NDST4: variants seen among roughly 807,000 people sequenced by gnomAD.
The protein encoded by NDST4 is N-deacetylase and N-sulfotransferase 4.
NDST4 carries 63 observed loss-of-function variants against 100.8 expected under a neutral mutation model. The observed-to-expected ratio is 0.62, with a 90% CI of 0.51 to 0.77. The LOEUF is 0.77. Ranked by LOEUF, NDST4 falls within the 30% of genes least tolerant of loss-of-function variation. NDST4 has a pLI of 0.00. For synonymous variants in NDST4, 377 were observed against 361.8 expected (o/e 1.04, Z -0.48); for missense variants, 943 against 1,018.4 (o/e 0.93, Z 1.01).
At chr4:114,905,825 C>T (rs1033429820) in intron 6 of NDST4, among the ~76,000 whole-genome samples, 2 of 151,772 alleles carry the variant, frequency 1.3e-5, no homozygotes, top group Non-Finnish European at 2.9e-5. Flanking sequence ...TGTTTTTTAC[C>T]TTAAAGGTTT....
At chr4:115,070,169 T>C (rs74366907) in intron 2 of NDST4, among the ~76,000 whole-genome samples, 7,882 of 152,266 alleles carry the variant, frequency 0.052, 266 homozygotes, top group Middle Eastern at 0.082. Context: ...ATGCAATTGA[T>C]CTAAATGTCT....
chr4:114,880,524 A>T (rs1724345060), intron 6 of NDST4, among the ~76,000 whole-genome samples: 1 of 152,158 alleles, frequency 6.6e-6, no homozygotes. Flanking sequence ...GTCCATTAGT[A>T]ATCAGTGTAA....
chr4:114,907,314 C>G (rs1724973594), intron 6 of NDST4, among the ~76,000 whole-genome samples: 1 of 152,160 alleles, frequency 6.6e-6, no homozygotes, highest in Non-Finnish European at 1.5e-5. Flanking sequence ...CAATATGGCT[C>G]TGACATTTAC....
rs142820981 is a variant in NDST4 at position 115,076,994 on chromosome 4, T to C, written c.43A>G (p.Ile15Val). 34 of 1,609,154 alleles carry C rather than the reference T, an allele frequency of 2.1e-5. No homozygotes were observed. The African/African-American group carries it at 4.1e-4, about 20-fold the overall frequency. ...VKLRRSFRTL[I>V]VLLATFCLVS... ...AAGCAAAAGGTAGCTAAGAGAACAA[T>C]CAATGTTCGAAAACTTCTCCGAAGT... is the stretch of plus-strand genomic sequence containing the variant. The change falls in exon 2 of 14, where the codon ATT (isoleucine) becomes GTT (valine). Residue 15 changes from isoleucine to valine, a missense_variant. Physicochemically the swap from Ile to Val is conservative, Grantham distance 29 (BLOSUM62 3). Coordinates refer to ENST00000264363, the MANE Select transcript of NDST4 (RefSeq NM_022569.3).
rs1035002514 is a variant in NDST4 at position 114,950,834 on chromosome 4, G to C, written c.1222-13331C>G. On this transcript the variant is annotated intron_variant, in intron 4 of 13. Transcript: ENST00000264363. ...CTTATAACAAACAAGTGTCTCTTTT[G>C]TGGCTGCACCGTGTTCTGTACATTT... Among the ~76,000 whole-genome samples, 12 of 151,070 alleles carry C rather than the reference G, an allele frequency of 7.9e-5. No individual in the cohort carries two copies. In the South Asian group the frequency reaches 2.5e-3, roughly 32 times the overall value.
chr4:115,044,824 A>C (rs1432771927), intron 2 of NDST4, among the ~76,000 whole-genome samples: 1 of 151,718 alleles, frequency 6.6e-6, no homozygotes, highest in Non-Finnish European at 1.5e-5. Flanking sequence ...AGTTTCATGA[A>C]AATGACTGAT....
rs1727861195 is a variant in NDST4, at chr4:115,022,378, C to CATATGTGTTTCATAT, written c.979-45105_979-45104insATATGAAACACATAT. Among the ~76,000 whole-genome samples the CATATGTGTTTCATAT allele has an allele frequency of 6.4e-4, 12 of 18,756 alleles. 4 individuals are homozygous for CATATGTGTTTCATAT. The highest frequency in any genetic ancestry group is 2.4e-3 in the East Asian group (1 of 420). The allele number at this position is 18,756 out of a possible 152,430, so 12.3% of individuals were successfully genotyped here. Reference sequence around the variant, plus strand: ...TCCACGTACATATGTGTTCCATGTACATATGTGTTCCATATATATGTGTTC... The same window carrying CATATGTGTTTCATAT: ...TCCACGTACATATGTGTTCCATGTACATATGTGTTTCATATATATGTGTTCCATATATATGTGTTC... On this transcript the variant is annotated intron_variant, in intron 2 of 13. Coordinates refer to ENST00000264363, the MANE Select transcript of NDST4 (RefSeq NM_022569.3).
chr4:115,071,782 T>C (rs1217116043), intron 2 of NDST4, among the ~76,000 whole-genome samples: 2 of 151,948 alleles, frequency 1.3e-5, no homozygotes, highest in African/African-American at 4.8e-5. Flanking sequence ...TGTCAAAACT[T>C]TTTGGCACAT....
chr4:115,077,847 C>A (rs1488043530), intron 1 of NDST4, among the ~76,000 whole-genome samples: 2 of 152,142 alleles, frequency 1.3e-5, no homozygotes, highest in African/African-American at 4.8e-5. Flanking sequence ...AGCATTACAG[C>A]CCAGATACAT....
rs548678917 is a variant in NDST4, at chr4:114,973,026, G to T, written c.1067-2442C>A. Among the ~76,000 whole-genome samples, 4 of 151,862 alleles carry T rather than the reference G, an allele frequency of 2.6e-5. No individual in the cohort carries two copies. The East Asian group carries it at 5.8e-4, about 22-fold the overall frequency. On this transcript the variant is annotated intron_variant, in intron 3 of 13. Transcript: ENST00000264363. ...TCAGCTTTTCTCTTGTTTTATGCTG[G>T]TCATATAATTCAAAGCCACATGAGG...
chr4:114,916,536 CTGTGTGTG>C (rs537961796), intron 6 of NDST4, among the ~76,000 whole-genome samples: 16,812 of 129,164 alleles, frequency 0.13, 1,365 homozygotes, highest in African/African-American at 0.26. Flanking sequence ...CTGGTAGGCT[CTGTGTGTG>C]TGTGTGTGTG....
chr4:114,914,830 G>A (rs977031256), intron 6 of NDST4, among the ~76,000 whole-genome samples: 10 of 152,122 alleles, frequency 6.6e-5, no homozygotes, highest in Non-Finnish European at 1.5e-5. Flanking sequence ...GGCAAGAGCA[G>A]CTGCTTGTTT....
chr4:115,035,154 CT>C (rs2126271668), intron 2 of NDST4, among the ~76,000 whole-genome samples: 1 of 152,212 alleles, frequency 6.6e-6, no homozygotes, highest in African/African-American at 2.4e-5. Context: ...TTGCTTGCAA[CT>C]TTCATTTGTT....
chr4:114,998,839 C>T (rs1320170807), intron 2 of NDST4, among the ~76,000 whole-genome samples: 3 of 151,996 alleles, frequency 2.0e-5, no homozygotes, highest in Non-Finnish European at 4.4e-5. Flanking sequence ...AGACCTTGGG[C>T]TTGAATTTGG....
chr4:114,940,621 G>A (rs928065025), intron 4 of NDST4, among the ~76,000 whole-genome samples: 33 of 152,242 alleles, frequency 2.2e-4, no homozygotes, highest in African/African-American at 6.7e-4. Flanking sequence ...TAGCTTTGCC[G>A]TCCATGGATG....
At chr4:114,838,526 G>A (rs897563991) in intron 11 of NDST4, among the ~76,000 whole-genome samples, 4 of 152,144 alleles carry the variant, frequency 2.6e-5, no homozygotes, top group Non-Finnish European at 5.9e-5. Flanking sequence ...TAGGGACATG[G>A]ATGAAGCTGG....
chr4:114,903,341 T>C (rs927541642), intron 6 of NDST4, among the ~76,000 whole-genome samples: 3 of 152,100 alleles, frequency 2.0e-5, no homozygotes, highest in Non-Finnish European at 2.9e-5. Flanking sequence ...AGAATTATTT[T>C]TCTCCAGTAT....
chr4:114,968,247 T>C (rs1448036811), intron 4 of NDST4, among the ~76,000 whole-genome samples: 1 of 152,202 alleles, frequency 6.6e-6, no homozygotes, highest in Non-Finnish European at 1.5e-5. Flanking sequence ...CTTCCAAAGA[T>C]GGCTTAAAAC....
Position 114,970,420 on chromosome 4 carries a change from A to G in NDST4, c.1221+10T>C, listed in dbSNP as rs1726485150. 6.2e-7 allele frequency: 1 copy of G among 1,606,922 alleles called. No homozygotes were observed. Among genetic ancestry groups the G allele is most frequent in the Non-Finnish European group, 8.5e-7 (1 of 1,175,586 alleles). ...ATAGTTCAAAAGATACCACAATAAA[A>G]TGTGCTCACCAGTGCAAATTCCTTG... On this transcript the variant is annotated intron_variant, in intron 4 of 13. Coordinates refer to ENST00000264363, the MANE Select transcript of NDST4 (RefSeq NM_022569.3).
Sources: allele counts gnomAD v4.1 joint callset (sites outside exome capture counted in the v4.1 genomes callset), GRCh38; gene constraint gnomAD v4.1.1; transcripts MANE v1.5; gene names NCBI Gene and HGNC (gene_info 2026-07-23, HGNC 2026-07-21).